Variants in IRAG2 observed in about 807,000 individuals in gnomAD.
The protein encoded by IRAG2 is lymphoid restricted membrane protein.
Under a neutral mutation model 69.9 loss-of-function variants are expected in IRAG2, and 45 were observed. The ratio of observed to expected loss-of-function variants is 0.64; its 90% CI spans 0.51 to 0.83. The LOEUF (loss-of-function observed/expected upper bound fraction) is 0.83. IRAG2 is among the 40% of genes least tolerant of loss of function. The pLI, the probability that IRAG2 is intolerant of heterozygous loss-of-function variation, is 0.00. For synonymous variants in IRAG2, 193 were observed against 202.4 expected (o/e 0.95, Z 0.40); for missense variants, 520 against 587.0 (o/e 0.89, Z 1.18).
At chr12:25,033,247 G>T (rs1444255720) in intron 12 of IRAG2, among the ~76,000 whole-genome samples, 2 of 152,116 alleles carry the variant, frequency 1.3e-5, no homozygotes, top group Admixed American at 1.3e-4. Flanking sequence ...GAGCCACCCA[G>T]CCTGGCCTAA....
At chr12:25,049,982 C>CAAAAAAAAAAAAAA (rs56185966), upstream of IRAG2, among the ~76,000 whole-genome samples, 1 of 71,268 alleles carries the variant, frequency 1.4e-5, no homozygotes, top group African/African-American at 7.3e-5. Context: ...AACTGTGTCT[C>CAAAAAAAAAAAAAA]AAAAAAAAAA....
intron 15 of IRAG2, among the ~76,000 whole-genome samples, chr12:25,037,601 A>G (rs1291609494): frequency 6.6e-6 from 1 of 152,198 alleles, no homozygotes; most frequent in Non-Finnish European, 1.5e-5. Context: ...TTAAGATTAC[A>G]TGTGAATATG....
intron 2 of IRAG2, among the ~76,000 whole-genome samples, chr12:25,007,725 T>TCTAC (rs1453427085): frequency 2.6e-5 from 4 of 152,238 alleles, no homozygotes; most frequent in Non-Finnish European, 4.4e-5. Flanking sequence ...TTTCACCATG[T>TCTAC]TGGCCAGGCT....
Position 25,021,497 on chromosome 12 carries a change from C to G in IRAG2, c.1332+590C>G, listed in dbSNP as rs569190533. ...AGTACTTGCAGGTTACTGAGAAGCTCCATAAATCATTCCTTATGCTAAATA... is the reference window on the plus strand; with the variant it reads ...AGTACTTGCAGGTTACTGAGAAGCTGCATAAATCATTCCTTATGCTAAATA... On this transcript the variant is annotated intron_variant, in intron 7 of 38. Coordinates refer to the IRAG2 transcript ENST00000636465. Among the ~76,000 whole-genome samples, 101 of 152,196 alleles carry G rather than the reference C, an allele frequency of 6.6e-4. 1 individual carries two copies. The highest frequency in any genetic ancestry group is 1.3e-3 in the Non-Finnish European group (88 of 68,002).
intron 8 of IRAG2, among the ~76,000 whole-genome samples, chr12:25,026,564 G>T (rs1332938868): frequency 1.3e-5 from 2 of 152,152 alleles, no homozygotes; most frequent in African/African-American, 4.8e-5. Flanking sequence ...GCCAAGAGGT[G>T]GTTGTTGAAC....
intron 16 of IRAG2, among the ~76,000 whole-genome samples, chr12:25,046,593 A>T (rs893686463): frequency 1.3e-5 from 2 of 152,176 alleles, no homozygotes; most frequent in Non-Finnish European, 2.9e-5. Flanking sequence ...TTACAATAGC[A>T]TCAAAAAGAA....
intron 12 of IRAG2, among the ~76,000 whole-genome samples, chr12:25,033,208 G>A (rs984381726): frequency 6.6e-6 from 1 of 152,092 alleles, no homozygotes; most frequent in African/African-American, 2.4e-5. Flanking sequence ...GCCTGCCTCG[G>A]CCTCTCAAAG....
At chr12:25,050,061 T>G, upstream of IRAG2, among the ~76,000 whole-genome samples, 1 of 148,044 alleles carries the variant, frequency 6.8e-6, no homozygotes, top group Non-Finnish European at 1.5e-5. Context: ...AGGTGGAGCT[T>G]GCAGTGAGCC....
chr12:25,043,066 CCTT>C (rs1313282129), intron 16 of IRAG2, among the ~76,000 whole-genome samples: 4 of 151,708 alleles, frequency 2.6e-5, no homozygotes, highest in Admixed American at 1.3e-4. Context: ...TCTGGACCCT[CCTT>C]CTCTCCAGGA....
chr12:25,017,009 G>C (rs1191389902), intron 5 of IRAG2: 3 of 545,912 alleles, frequency 5.5e-6, no homozygotes, highest in Non-Finnish European at 8.2e-6. Context: ...TGACAGATGA[G>C]GGTAAAGTTA....
chr12:25,001,275 G>T (rs1237283385), upstream of IRAG2, among the ~76,000 whole-genome samples: 1 of 151,620 alleles, frequency 6.6e-6, no homozygotes, highest in East Asian at 1.9e-4. Flanking sequence ...TCTACTAAAA[G>T]TACAAAAAAA....
chr12:25,079,374 A>C lies in IRAG2; in HGVS notation c.72-24A>C, dbSNP rs762656167. On this transcript the variant is annotated intron_variant, in intron 7 of 21. Transcript: ENST00000556887. ...AATTATTTGGACCTGACATTCCAAA[A>C]CATGTTTGCTATCTTTTTGGCAGGG... The C allele has an allele frequency of 5.0e-6, 8 of 1,612,104 alleles. No individual in the cohort carries two copies. The South Asian group carries it at 8.8e-5, about 18-fold the overall frequency.
intron 6 of IRAG2, among the ~76,000 whole-genome samples, chr12:25,072,947 C>T (rs1349699985): frequency 6.6e-6 from 1 of 152,248 alleles, no homozygotes; most frequent in Non-Finnish European, 1.5e-5. Flanking sequence ...AGCCCCATTT[C>T]AAAAACCAAT....
At chr12:25,026,009 G>T (rs1412462322) in intron 8 of IRAG2, among the ~76,000 whole-genome samples, 1 of 152,178 alleles carries the variant, frequency 6.6e-6, no homozygotes, top group Non-Finnish European at 1.5e-5. Flanking sequence ...TGACCTTTGT[G>T]TCAACTACTT....
intron 14 of IRAG2, chr12:25,090,951 G>A (rs999018153): frequency 2.4e-6 from 1 of 421,802 alleles, no homozygotes; most frequent in Non-Finnish European, 4.8e-6. Flanking sequence ...TGCAGATGAT[G>A]GGCAAGCCTG....
chr12:25,030,952 A>G, intron 10 of IRAG2: 1 of 846,130 alleles, frequency 1.2e-6, no homozygotes, highest in Non-Finnish European at 1.4e-6. Flanking sequence ...GATTGATTAG[A>G]TAGATACATA....
At position 25,106,931 on chromosome 12, in the gene IRAG2, A is replaced by G. The variant is rs1949199747; in HGVS notation, c.1149-12A>G. 7.3e-7 allele frequency: 1 copy of G among 1,364,418 alleles called. No homozygotes were observed. Among genetic ancestry groups the G allele is most frequent in the Non-Finnish European group, 1.0e-6 (1 of 979,200 alleles). 84.5% of individuals were successfully genotyped at this position (1,364,418 alleles called of 1,614,324 possible). On this transcript the variant is annotated splice_polypyrimidine_tract_variant and intron_variant, in intron 20 of 21. Transcript: ENST00000556887. ...CTTAGTTTCAAATATTAAAAACAAC[A>G]TTTATTTACAGAACTAAAGATGACT...
chr12:25,019,937 T>C (rs1944564338), intron 6 of IRAG2, among the ~76,000 whole-genome samples: 1 of 152,240 alleles, frequency 6.6e-6, no homozygotes, highest in South Asian at 2.1e-4. Context: ...ATTCTTATCA[T>C]ACTGTATTGT....
intron 2 of IRAG2, among the ~76,000 whole-genome samples, chr12:25,008,613 C>G (rs966777306): frequency 1.3e-5 from 2 of 152,152 alleles, no homozygotes; most frequent in African/African-American, 4.8e-5. Context: ...GTGGCACACA[C>G]TTGTAATCCC....
Sources: gnomAD v4.1 joint callset for allele counts (sites outside exome capture counted in the v4.1 genomes callset) on GRCh38, gnomAD v4.1.1 for gene constraint, MANE v1.5 for transcripts, NCBI Gene and HGNC (gene_info 2026-07-23, HGNC 2026-07-21) for gene names.